Variants in ACTN3 observed in about 807,000 individuals in gnomAD.
ACTN3 encodes actinin alpha 3, also known as alpha-actinin-3.
In ACTN3, 91 loss-of-function variants were observed where a neutral mutation model predicts 119.6. The observed-to-expected ratio is 0.76, with a 90% confidence interval of 0.64 to 0.91. ACTN3 has a LOEUF of 0.91. Ranked by LOEUF, ACTN3 falls within the 40% of genes least tolerant of loss-of-function variation. The pLI is 0.00. For missense variants in ACTN3, 1,221 were observed against 1,215.1 expected (o/e 1.00, Z -0.07); for synonymous variants, 456 against 478.8 (o/e 0.95, Z 0.62).
At chr11:66,556,253 G>T (rs1857587840) in intron 8 of ACTN3, 23 bp downstream of exon 8, 1 of 1,610,622 alleles carries the variant, frequency 6.2e-7, no homozygotes, top group Admixed American at 1.7e-5. Flanking sequence ...AACTGCTGCT[G>T]CCTGGGCTTG....
intron 15 of ACTN3, 32 bp from the exon 16 acceptor site, chr11:66,561,195 A>G: frequency 6.6e-7 from 1 of 1,504,022 alleles, no homozygotes; most frequent in South Asian, 1.3e-5. Context: ...CAGCCCCCAG[A>G]GCTGGCTCTG....
At position 66,563,214 on chromosome 11, in the gene ACTN3, T is replaced by C; in HGVS notation, c.*21T>C. The stretch of plus-strand genomic sequence containing the variant: ...TTTGACCCCAACCACTGAGGTTCTC[T>C]ATGCAAGATGGAGAGAGGATGCACC... On this transcript the variant is annotated 3_prime_UTR_variant, in exon 21 of 21. Coordinates refer to ENST00000513398, the MANE Select transcript of ACTN3 (RefSeq NM_001104.4). 6.3e-7 allele frequency: 1 copy of C among 1,579,368 alleles called. No individual in the cohort carries two copies. The highest frequency in any genetic ancestry group is 8.6e-7 in the Non-Finnish European group (1 of 1,159,066).
At chr11:66,562,191 G>A (rs772133956) in intron 18 of ACTN3, 23 bp downstream of exon 18, 4 of 1,613,894 alleles carry the variant, frequency 2.5e-6, no homozygotes, top group Non-Finnish European at 3.4e-6. Context: ...CTGGCCCTGT[G>A]GGGTAAGACA....
chr11:66,555,736 T>C (rs1857578228), intron 7 of ACTN3, among the ~76,000 whole-genome samples: 1 of 152,246 alleles, frequency 6.6e-6, no homozygotes, highest in Non-Finnish European at 1.5e-5. Flanking sequence ...TTTCTGAGCA[T>C]CTACTATGCA....
chr11:66,562,779 G>A lies in ACTN3; in HGVS notation c.2389-17G>A. Reference sequence around the variant, plus strand: ...TTTAGTGCTCATGGGCATAGTGCCTGGCCTCTATCCCTGCAGGGGGAAGTG... The same window carrying A: ...TTTAGTGCTCATGGGCATAGTGCCTAGCCTCTATCCCTGCAGGGGGAAGTG... On this transcript the variant is annotated splice_polypyrimidine_tract_variant and intron_variant, in intron 19 of 20. Coordinates refer to ENST00000513398, the MANE Select transcript of ACTN3 (RefSeq NM_001104.4). 1 of 1,593,008 alleles carries A rather than the reference G, an allele frequency of 6.3e-7. No homozygotes were observed. Among genetic ancestry groups the A allele is most frequent in the Non-Finnish European group, 8.6e-7 (1 of 1,167,948 alleles).
chr11:66,554,489 G>T, intron 4 of ACTN3, 47 bp from the exon 5 acceptor site: 6 of 1,366,208 alleles, frequency 4.4e-6, no homozygotes, highest in South Asian at 1.3e-5. Flanking sequence ...TGAGAGGGCT[G>T]ACCTGGACCC....
rs776848328 is a variant in ACTN3, at chr11:66,547,033, C to T, written c.96C>T (p.Asp32=). 1.3e-6 allele frequency: 2 copies of T among 1,515,446 alleles called. No individual in the cohort carries two copies. The highest frequency in any genetic ancestry group is 2.3e-5 in the East Asian group (1 of 43,838). 93.9% of individuals were successfully genotyped at this position (1,515,446 alleles called of 1,614,324 possible). A position where few individuals can be genotyped will look rare whatever the true frequency, so the allele number is the denominator to read the frequency against. ...GCGAGTACATGGAACAGGAGGAGGA[C>T]TGGGACCGCGACCTGCTGCTGGACC... is the stretch of plus-strand genomic sequence containing the variant. The part of the protein sequence containing the change: ...GGGEYMEQEE[D]WDRDLLLDPA... Residue 32 remains aspartate, a synonymous_variant, in exon 1 of 21, where the codon GAC becomes GAT. Transcript: ENST00000513398.
chr11:66,551,404 G>A (rs1183238454), intron 2 of ACTN3, 51 bp downstream of exon 2: 4 of 1,571,214 alleles, frequency 2.5e-6, no homozygotes, highest in Non-Finnish European at 2.6e-6. Flanking sequence ...GGAACATCTG[G>A]ACAGCAGGGG....
chr11:66,547,506 G>GTCC (rs1857381005), intron 1 of ACTN3, among the ~76,000 whole-genome samples: 1 of 152,044 alleles, frequency 6.6e-6, no homozygotes, highest in South Asian at 2.1e-4. Context: ...AGTGAGAAGG[G>GTCC]TCCTCTCAGA....
At chr11:66,547,263 C>T in intron 1 of ACTN3, 179 bp downstream of exon 1, 1 of 434,760 alleles carries the variant, frequency 2.3e-6, no homozygotes, top group Non-Finnish European at 3.1e-6. Flanking sequence ...GGGCTGGGAG[C>T]CCTCAAGAGG....
chr11:66,556,955 G>T (rs570827290), intron 8 of ACTN3, among the ~76,000 whole-genome samples, 178 bp from the exon 9 acceptor site: 3 of 151,826 alleles, frequency 2.0e-5, no homozygotes, highest in South Asian at 2.1e-4. Context: ...TAGAGACGGG[G>T]TTTCACCGTG....
chr11:66,561,266 G>A lies in ACTN3; in HGVS notation c.1900G>A (p.Glu634Lys). 6.2e-7 allele frequency: 1 copy of A among 1,601,270 alleles called. No homozygotes were observed. The highest frequency in any genetic ancestry group is 8.5e-7 in the Non-Finnish European group (1 of 1,175,090). ...LVPSCDQTLQEELARQQVNER... is the reference protein window; with the variant it reads ...LVPSCDQTLQKELARQQVNER... ...GCCCAGCTGTGACCAGACACTGCAG[G>A]AGGAGCTGGCACGGCAGCAGGTAAA... The change falls in exon 16 of 21, where the codon GAG becomes AAG. Residue 634 changes from glutamate (E) to lysine (K), a missense_variant. Transcript: ENST00000513398.
At chr11:66,555,793 C>A (rs113996345) in intron 7 of ACTN3, among the ~76,000 whole-genome samples, 1,945 of 152,290 alleles carry the variant, frequency 0.013, 46 homozygotes, top group African/African-American at 0.044. Flanking sequence ...CTTTTTCTTG[C>A]CCTGAGGAGC....
rs1233128533 is a variant in ACTN3 at position 66,558,699 on chromosome 11, C to G, written c.1276+525C>G. 5.9e-5 allele frequency among the ~76,000 whole-genome samples: 9 copies of G among 152,202 alleles called. No individual in the cohort carries two copies. The East Asian group carries it at 1.7e-3, about 29-fold the overall frequency. On this transcript the variant is annotated intron_variant, in intron 11 of 20. Coordinates refer to ENST00000513398, the MANE Select transcript of ACTN3 (RefSeq NM_001104.4). ...TCTATAAACTCAGCCTTCCCCCTCACCCCCCAGCCCTGCTCTGGTCTTCTG... is the reference window on the plus strand; with the variant it reads ...TCTATAAACTCAGCCTTCCCCCTCAGCCCCCAGCCCTGCTCTGGTCTTCTG...
In ACTN3 at chr11:66,560,300, G is replaced by A. The variant is rs1421849757; in HGVS notation, c.1666G>A (p.Glu556Lys). Residue 556 changes from glutamate (E) to lysine (K), a missense_variant, in exon 14 of 21, where the codon GAG becomes AAG. Transcript: ENST00000513398. The part of the protein sequence containing the change: ...LQDVWLVHSV[E>K]ETQSLLTAHD... ...GGACGTGTGGCTGGTACACTCTGTG[G>A]AGGAGACCCAGGTGGGTGCCAGGGT... 3.7e-6 allele frequency: 6 copies of A among 1,612,846 alleles called. No homozygotes were observed. In the East Asian group the frequency reaches 1.3e-4, roughly 36 times the overall value.
Position 66,554,563 on chromosome 11 carries a change from T to C in ACTN3, c.497T>C (p.Leu166Pro), listed in dbSNP as rs1273370576. Reference sequence around the variant, plus strand: ...ACCTCAGCCAAGGAAGGCTTGCTTCTGTGGTGCCAGAGGAAGACAGCACCG... The same window carrying C: ...ACCTCAGCCAAGGAAGGCTTGCTTCCGTGGTGCCAGAGGAAGACAGCACCG... ...EETSAKEGLL[L>P]WCQRKTAPYR... is the part of the protein sequence containing the mutation. Residue 166 changes from leucine to proline, a missense_variant, in exon 5 of 21, where the codon CTG becomes CCG. Physicochemically the swap from Leu to Pro is moderately conservative, Grantham distance 98. Around this residue, in one of 3 missense-constraint regions of ACTN3, gnomAD observed 239 missense variants for 231.8 expected, o/e 1.03. Transcript: ENST00000513398. 2 of 1,611,738 alleles carry C rather than the reference T, an allele frequency of 1.2e-6. No individual in the cohort carries two copies. The highest frequency in any genetic ancestry group is 2.7e-5 in the African/African-American group (2 of 74,792).
intron 16 of ACTN3, 32 bp downstream of exon 16, chr11:66,561,393 G>C: frequency 6.2e-7 from 1 of 1,607,398 alleles, no homozygotes; most frequent in Non-Finnish European, 8.5e-7. Flanking sequence ...CCAACCTGGG[G>C]GGATGGGGCC....
Position 66,562,181 on chromosome 11 carries a change from C to G in ACTN3, c.2322+13C>G. 1.9e-6 allele frequency: 3 copies of G among 1,613,938 alleles called. No homozygotes were observed. Among genetic ancestry groups the G allele is most frequent in the Non-Finnish European group, 2.5e-6 (3 of 1,179,884 alleles). On this transcript the variant is annotated intron_variant, in intron 18 of 20. Transcript: ENST00000513398. ...CCACTTTGACAGGGTCAGCAGGGGC[C>G]TGGCCCTGTGGGGTAAGACACTTGG... is the stretch of plus-strand genomic sequence containing the variant.
rs554597039 is a variant in ACTN3, at chr11:66,555,065, G to T, written c.558-65G>T. ...GGCTGTCCTTCTGGGGGGTGCTCCT[G>T]GGCCGAGGGGAGAACGGGGCCCCAG... On this transcript the variant is annotated intron_variant, in intron 5 of 20. Transcript: ENST00000513398. 2.2e-5 allele frequency: 33 copies of T among 1,472,078 alleles called. No homozygotes were observed. The East Asian group carries it at 7.6e-4, about 34-fold the overall frequency. The allele number at this position is 1,472,078 out of a possible 1,614,324, so 91.2% of individuals were successfully genotyped here.
Sources: gnomAD v4.1 joint callset for allele counts (sites outside exome capture counted in the v4.1 genomes callset) on GRCh38, gnomAD v4.1.1 for gene constraint, gnomAD v4.1.1 regional missense constraint, MANE v1.5 for transcripts, NCBI Gene and HGNC (gene_info 2026-07-23, HGNC 2026-07-21) for gene names.